EFCAB6: variants seen among roughly 807,000 people sequenced by gnomAD.
The protein encoded by EFCAB6 is EF-hand calcium binding domain 6.
A neutral mutation model predicts 169.8 loss-of-function variants in EFCAB6; 156 were observed. That is an observed-to-expected ratio of 0.92 (90% CI 0.81 to 1.05). The LOEUF (loss-of-function observed/expected upper bound fraction) is 1.05, where lower values mean the gene tolerates loss of function less well. Among genes scored for constraint, EFCAB6 ranks in the 50% least tolerant of loss-of-function variants. EFCAB6 has a pLI of 0.00. For missense variants in EFCAB6, 1,800 were observed against 1,829.1 expected, an observed-to-expected ratio of 0.98 and a Z score of 0.29; for synonymous variants, 698 against 676.4, an observed-to-expected ratio of 1.03 and a Z score of -0.50.
chr22:43,764,908 G>A (rs2061279307), intron 5 of EFCAB6, among the ~76,000 whole-genome samples: 1 of 102,178 alleles, frequency 9.8e-6, no homozygotes, highest in Admixed American at 1.1e-4. Flanking sequence ...TTCTAGCCAC[G>A]AAAACATCAT....
intron 30 of EFCAB6, chr22:43,533,655 C>G (rs1485926065): frequency 6.6e-6 from 1 of 152,268 alleles, no homozygotes; most frequent in Non-Finnish European, 1.5e-5. Context: ...GGTGCGAGCC[C>G]CCAGCACACA....
intron 6 of EFCAB6, among the ~76,000 whole-genome samples, chr22:43,738,379 TTCA>T (rs2060243911): frequency 1.6e-5 from 1 of 62,676 alleles, no homozygotes; most frequent in Non-Finnish European, 3.5e-5. Flanking sequence ...TACACATATA[TTCA>T]CACACACATG....
intron 5 of EFCAB6, among the ~76,000 whole-genome samples, chr22:43,764,308 G>C (rs1471402780): frequency 2.0e-5 from 3 of 151,998 alleles, no homozygotes; most frequent in Admixed American, 6.6e-5. Flanking sequence ...TGTGGTATTG[G>C]TTTTCTGTTC....
intron 10 of EFCAB6, among the ~76,000 whole-genome samples, chr22:43,695,792 T>G (rs1234039275): frequency 6.6e-6 from 1 of 152,072 alleles, no homozygotes; most frequent in Non-Finnish European, 1.5e-5. Context: ...GAATTAACCT[T>G]GACCCTTATC....
At chr22:43,771,432 A>G (rs1223711342) in intron 4 of EFCAB6, among the ~76,000 whole-genome samples, 1 of 152,122 alleles carries the variant, frequency 6.6e-6, no homozygotes, top group Non-Finnish European at 1.5e-5. Context: ...TCCATCAAAA[A>G]ATAAAAAATA....
chr22:43,632,074 A>G (rs1373186775), intron 19 of EFCAB6, 31 bp downstream of exon 19: 8 of 1,609,910 alleles, frequency 5.0e-6, no homozygotes, highest in Non-Finnish European at 4.2e-6. Flanking sequence ...GGAGGCCTAG[A>G]GAAGCCCAGC....
intron 8 of EFCAB6, among the ~76,000 whole-genome samples, chr22:43,718,620 T>G (rs1269141639): frequency 6.6e-6 from 1 of 152,100 alleles, no homozygotes; most frequent in African/African-American, 2.4e-5. Context: ...CTGTCTCTAC[T>G]GAAAATACAA....
At chr22:43,734,233 A>G (rs1251076344) in intron 7 of EFCAB6, among the ~76,000 whole-genome samples, 1 of 152,232 alleles carries the variant, frequency 6.6e-6, no homozygotes, top group Non-Finnish European at 1.5e-5. Flanking sequence ...AATAAAAAAG[A>G]CAAAGTTAAT....
intron 17 of EFCAB6, among the ~76,000 whole-genome samples, chr22:43,638,013 A>G (rs941592250): frequency 6.6e-6 from 1 of 152,158 alleles, no homozygotes; most frequent in Non-Finnish European, 1.5e-5. Flanking sequence ...GATTCGTACT[A>G]TCCCCCAGGC....
chr22:43,625,378 A>C (rs2147821922), intron 20 of EFCAB6, among the ~76,000 whole-genome samples: 1 of 152,352 alleles, frequency 6.6e-6, no homozygotes, highest in East Asian at 1.9e-4. Context: ...CATAGCGCAC[A>C]GCATTTCAGA....
intron 27 of EFCAB6, chr22:43,553,771 A>G: frequency 6.6e-6 from 1 of 152,436 alleles, no homozygotes; most frequent in East Asian, 1.9e-4. Context: ...GAAGGGCCAT[A>G]GCGGCCCAGG....
intron 23 of EFCAB6, among the ~76,000 whole-genome samples, chr22:43,598,053 T>G (rs1190582010): frequency 6.6e-6 from 1 of 152,140 alleles, no homozygotes; most frequent in Admixed American, 6.5e-5. Context: ...GGCTCACGCC[T>G]GTAAGACCAG....
intron 6 of EFCAB6, among the ~76,000 whole-genome samples, chr22:43,753,248 G>A (rs1295836683): frequency 6.6e-6 from 1 of 152,210 alleles, no homozygotes; most frequent in Non-Finnish European, 1.5e-5. Context: ...TCCAGGAGAT[G>A]CTCAGGCAAA....
intron 2 of EFCAB6, among the ~76,000 whole-genome samples, chr22:43,787,840 C>T (rs533431689): frequency 1.1e-3 from 167 of 152,098 alleles, no homozygotes; most frequent in African/African-American, 3.6e-3. Flanking sequence ...TTATACTTCC[C>T]GATTTCAAAA....
intron 21 of EFCAB6, 46 bp from the exon 22 acceptor site, chr22:43,608,646 A>T (rs1363968114): frequency 1.3e-6 from 2 of 1,570,080 alleles, no homozygotes; most frequent in African/African-American, 2.7e-5. Flanking sequence ...AAATGTGCGT[A>T]TGACAGCAGA....
rs1180721619 is a variant in EFCAB6 at position 43,605,739 on chromosome 22, C to A, written c.2681+2743G>T. Among the ~76,000 whole-genome samples, 3 of 152,060 alleles carry A rather than the reference C, an allele frequency of 2.0e-5. No homozygotes were observed. The East Asian group carries it at 5.8e-4, about 29-fold the overall frequency. The stretch of plus-strand genomic sequence containing the variant: ...GATGAACGTATTGAATACCACCGAG[C>A]TGTGTGCTTAAAATTGGTGAAGATG... On this transcript the variant is annotated intron_variant, in intron 22 of 31. Coordinates refer to ENST00000262726, the MANE Select transcript of EFCAB6 (RefSeq NM_022785.4).
intron 17 of EFCAB6, among the ~76,000 whole-genome samples, chr22:43,636,138 AC>A (rs2147927716): frequency 6.6e-6 from 1 of 152,330 alleles, no homozygotes; most frequent in African/African-American, 2.4e-5. Context: ...GACCAATCCC[AC>A]CCGGAACAGG....
chr22:43,763,135 T>C (rs2061220135), intron 5 of EFCAB6, among the ~76,000 whole-genome samples: 1 of 151,890 alleles, frequency 6.6e-6, no homozygotes, highest in Admixed American at 6.6e-5. Context: ...GCCTCCTGAG[T>C]TCAAGTGATA....
At chr22:43,720,388 T>C (rs1603276013) in intron 8 of EFCAB6, among the ~76,000 whole-genome samples, 1 of 150,578 alleles carries the variant, frequency 6.6e-6, no homozygotes, top group South Asian at 2.1e-4. Flanking sequence ...AGCATGTACC[T>C]GTGGTCCAAG....
Sources: allele counts gnomAD v4.1 joint callset (sites outside exome capture counted in the v4.1 genomes callset), GRCh38; gene constraint gnomAD v4.1.1; transcripts MANE v1.5; gene names NCBI Gene and HGNC (gene_info 2026-07-23, HGNC 2026-07-21).